Variants in THSD7A observed in about 807,000 individuals in gnomAD.
The protein encoded by THSD7A is thrombospondin type 1 domain containing 7A.
A neutral mutation model predicts 231.3 loss-of-function variants in THSD7A; 96 were observed. The observed-to-expected ratio is 0.41, with a 90% CI of 0.35 to 0.49. THSD7A has a LOEUF of 0.49. Ranked by LOEUF, THSD7A falls within the 20% of genes least tolerant of loss-of-function variation. The pLI, the probability that THSD7A is intolerant of heterozygous loss-of-function variation, is 0.05. For missense variants in THSD7A, 2,290 were observed against 2,070.2 expected, an observed-to-expected ratio of 1.11 and a Z score of -2.06; for synonymous variants, 940 against 743.3, an observed-to-expected ratio of 1.26 and a Z score of -4.30.
chr7:11,503,546 T>G (rs1242692994), intron 6 of THSD7A, among the ~76,000 whole-genome samples: 1 of 152,126 alleles, frequency 6.6e-6, no homozygotes, highest in Non-Finnish European at 1.5e-5. Context: ...AGAAAGTATT[T>G]GCAAACTATG....
intron 2 of THSD7A, among the ~76,000 whole-genome samples, chr7:11,617,659 G>A (rs1781153285): frequency 6.6e-6 from 1 of 152,060 alleles, no homozygotes. Context: ...TTCCTTTGTT[G>A]TTACGTTAGA....
At chr7:11,472,912 T>C (rs2128301833) in intron 8 of THSD7A, among the ~76,000 whole-genome samples, 1 of 152,308 alleles carries the variant, frequency 6.6e-6, no homozygotes, top group South Asian at 2.1e-4. Context: ...CCTTTGTTCT[T>C]GATCCAGCAA....
intron 1 of THSD7A, among the ~76,000 whole-genome samples, chr7:11,750,569 G>A (rs779425868): frequency 2.0e-5 from 3 of 151,912 alleles, no homozygotes; most frequent in Non-Finnish European, 2.9e-5. Context: ...TTGCAGACAC[G>A]AGATTACCAT....
chr7:11,774,356 G>T (rs1248156529), intron 1 of THSD7A, among the ~76,000 whole-genome samples: 1 of 152,070 alleles, frequency 6.6e-6, no homozygotes, highest in Non-Finnish European at 1.5e-5. Flanking sequence ...TGGGGAGCTG[G>T]TATAAAGCTT....
rs186576391 is a variant in THSD7A at position 11,382,418 on chromosome 7, G to C, written c.4507+103C>G. The C allele has an allele frequency of 4.2e-6, 4 of 947,424 alleles. No homozygotes were observed. In the Admixed American group the frequency reaches 8.2e-5, roughly 19 times the overall value. 58.7% of individuals were successfully genotyped at this position (947,424 alleles called of 1,614,324 possible). ...GCATCCTGAATCCCAAACAGGCTTT[G>C]AATACTGAAAGAGTAACTTTGTTTC... On this transcript the variant is annotated intron_variant, in intron 24 of 27. Transcript: ENST00000423059.
chr7:11,794,813 G>A (rs1583296829), intron 1 of THSD7A, among the ~76,000 whole-genome samples: 1 of 152,036 alleles, frequency 6.6e-6, no homozygotes, highest in East Asian at 1.9e-4. Flanking sequence ...TGAAATAGAA[G>A]CAAATTCTTT....
At chr7:11,788,878 T>G (rs1783868224) in intron 1 of THSD7A, among the ~76,000 whole-genome samples, 1 of 151,952 alleles carries the variant, frequency 6.6e-6, no homozygotes, top group Non-Finnish European at 1.5e-5. Context: ...CAGAAAGGAA[T>G]AGGTAATCAA....
intron 1 of THSD7A, chr7:11,820,873 C>T (rs1784854212): frequency 1.1e-6 from 1 of 902,418 alleles, no homozygotes; most frequent in Admixed American, 1.9e-5. Context: ...GCTGACCTTT[C>T]CCTCGAGTGG....
chr7:11,555,833 TTCTC>T (rs1347541022), intron 4 of THSD7A, among the ~76,000 whole-genome samples: 1 of 151,776 alleles, frequency 6.6e-6, no homozygotes, highest in African/African-American at 2.4e-5. Flanking sequence ...TATAATATCT[TTCTC>T]TGTCTCTGGT....
intron 1 of THSD7A, among the ~76,000 whole-genome samples, chr7:11,774,502 AC>A (rs1783337070): frequency 9.1e-6 from 1 of 109,446 alleles, no homozygotes; most frequent in Non-Finnish European, 2.2e-5. Context: ...ACACACACAC[AC>A]ACACACACAC....
In THSD7A at chr7:11,373,651, C is replaced by T. The variant is rs1161686126; in HGVS notation, c.*2143G>A. ...ACTGCATTTAGTTCTTATTGAAATA[C>T]ATACAAATATTTTCATTTTGGGGAC... On this transcript the variant is annotated 3_prime_UTR_variant, in exon 28 of 28. Coordinates refer to ENST00000423059, the MANE Select transcript of THSD7A (RefSeq NM_015204.3). 6.6e-6 allele frequency: 1 copy of T among 151,930 alleles called. No homozygotes were observed. The highest frequency in any genetic ancestry group is 2.4e-5 in the African/African-American group (1 of 41,398). 9.4% of individuals were successfully genotyped at this position (151,930 alleles called of 1,614,324 possible).
In THSD7A at chr7:11,428,864, A is replaced by T. The variant is rs544078541; in HGVS notation, c.3243+83T>A. The stretch of plus-strand genomic sequence containing the variant: ...GTCAATTTTTTATTCAATAGCTATT[A>T]TTTCCTCTTCTCCATTTTGGAGAAA... On this transcript the variant is annotated intron_variant, in intron 14 of 27. Coordinates refer to ENST00000423059, the MANE Select transcript of THSD7A (RefSeq NM_015204.3). 8 of 1,482,264 alleles carry T rather than the reference A, an allele frequency of 5.4e-6. No individual in the cohort carries two copies. The African/African-American group carries it at 1.2e-4, about 21-fold the overall frequency. The allele number at this position is 1,482,264 out of a possible 1,614,324, so 91.8% of individuals were successfully genotyped here.
chr7:11,795,722 T>C (rs1385025726), intron 1 of THSD7A, among the ~76,000 whole-genome samples: 1 of 151,688 alleles, frequency 6.6e-6, no homozygotes. Flanking sequence ...CTGAAAATGA[T>C]AGAAAGCAAA....
In THSD7A at chr7:11,377,597, G is replaced by T. The variant is rs1198708820; in HGVS notation, c.4802-940C>A. Among the ~76,000 whole-genome samples the T allele has an allele frequency of 4.6e-5, 7 of 152,038 alleles. No homozygotes were observed. Among genetic ancestry groups the T allele is most frequent in the African/African-American group, 1.2e-4 (5 of 41,428 alleles). Reference sequence around the variant, plus strand: ...GTTAGATCAAGTTAGAGGTTCATTTGCTGGGAATAAACTCAATTAATATTC... The same window carrying T: ...GTTAGATCAAGTTAGAGGTTCATTTTCTGGGAATAAACTCAATTAATATTC... On this transcript the variant is annotated intron_variant, in intron 26 of 27. Transcript: ENST00000423059. The surrounding 1 kb of genome is among the most constrained non-coding windows in gnomAD (Gnocchi z 4.5).
intron 23 of THSD7A, among the ~76,000 whole-genome samples, chr7:11,394,123 T>C (rs1287061443): frequency 1.3e-5 from 2 of 152,138 alleles, no homozygotes; most frequent in Non-Finnish European, 2.9e-5. Context: ...GATAGAAAGG[T>C]CAGGTTACCC....
intron 1 of THSD7A, among the ~76,000 whole-genome samples, chr7:11,783,781 A>T (rs1783704021): frequency 6.6e-6 from 1 of 152,140 alleles, no homozygotes; most frequent in Admixed American, 6.6e-5. Flanking sequence ...AAAAATACAC[A>T]ATAGTCTAGA....
rs530117493 is a variant in THSD7A at position 11,795,582 on chromosome 7, T to C, written c.190+36175A>G. 5.3e-5 allele frequency among the ~76,000 whole-genome samples: 8 copies of C among 152,220 alleles called. No individual in the cohort carries two copies. In the South Asian group the frequency reaches 1.7e-3, roughly 32 times the overall value. On this transcript the variant is annotated intron_variant, in intron 1 of 27. Coordinates refer to ENST00000423059, the MANE Select transcript of THSD7A (RefSeq NM_015204.3). ...TAGTCCCTAGTTTTATGTTTTACAA[T>C]GTATGATTGAAATAAAGATATTTAC...
intron 1 of THSD7A, among the ~76,000 whole-genome samples, chr7:11,706,244 A>G (rs1271410463): frequency 6.6e-6 from 1 of 150,918 alleles, no homozygotes; most frequent in Non-Finnish European, 1.5e-5. Flanking sequence ...GCTAGAGCAC[A>G]TGTGTATTGT....
chr7:11,806,785 T>C (rs1784409289), intron 1 of THSD7A, among the ~76,000 whole-genome samples: 1 of 152,082 alleles, frequency 6.6e-6, no homozygotes, highest in South Asian at 2.1e-4. Context: ...AGGTGCCCAG[T>C]ACACAGTTAA....
Sources: allele counts gnomAD v4.1 joint callset (sites outside exome capture counted in the v4.1 genomes callset), GRCh38; gene constraint gnomAD v4.1.1; non-coding constraint Gnocchi (gnomAD v3.1); transcripts MANE v1.5; gene names NCBI Gene and HGNC (gene_info 2026-07-23, HGNC 2026-07-21).